The following COL27A1 variants were observed in gnomAD, a reference collection of about 807,000 sequenced individuals.
COL27A1 encodes the protein collagen type XXVII alpha 1 chain.
In COL27A1, 106 loss-of-function variants were observed where a neutral mutation model predicts 251.3. The observed-to-expected ratio is 0.42, with a 90% CI of 0.36 to 0.50. The LOEUF is 0.50. Among genes scored for constraint, COL27A1 ranks in the 20% least tolerant of loss-of-function variants. The pLI is 0.00. For synonymous variants in COL27A1, 1,000 were observed against 986.3 expected, an observed-to-expected ratio of 1.01 and a Z score of -0.26; for missense variants, 2,325 against 2,522.8, an observed-to-expected ratio of 0.92 and a Z score of 1.68.
At chr9:114,238,756 CG>C (rs574707618) in intron 19 of COL27A1, among the ~76,000 whole-genome samples, 2 of 152,096 alleles carry the variant, frequency 1.3e-5, no homozygotes, top group Non-Finnish European at 2.9e-5. Context: ...CATTCTGGCC[CG>C]TGAGGGTGGA....
chr9:114,280,883 C>T (rs777092659), intron 37 of COL27A1, among the ~76,000 whole-genome samples: 6 of 152,330 alleles, frequency 3.9e-5, no homozygotes, highest in Middle Eastern at 3.4e-3. Context: ...CCAGCCGCCC[C>T]ATAATTTTCA....
At chr9:114,287,231 G>A (rs941376128) in intron 41 of COL27A1, among the ~76,000 whole-genome samples, 1 of 152,158 alleles carries the variant, frequency 6.6e-6, no homozygotes, top group African/African-American at 2.4e-5. Flanking sequence ...ATGTGTCCCA[G>A]CCCCAGGGAC....
At chr9:114,269,102 C>T (rs561001921) in intron 34 of COL27A1, 139 bp from the exon 35 acceptor site, 3 of 572,576 alleles carry the variant, frequency 5.2e-6, no homozygotes, top group Admixed American at 3.3e-5. Context: ...TACGATTTCT[C>T]TGTGGTCCCT....
At chr9:114,159,151 C>T (rs1436142483) in intron 1 of COL27A1, among the ~76,000 whole-genome samples, 3 of 152,204 alleles carry the variant, frequency 2.0e-5, no homozygotes, top group Non-Finnish European at 4.4e-5. Flanking sequence ...TGTAATAGGC[C>T]TTCAGGGCTG....
At chr9:114,176,780 G>A (rs1489909937) in intron 3 of COL27A1, among the ~76,000 whole-genome samples, 1 of 152,180 alleles carries the variant, frequency 6.6e-6, no homozygotes, top group Non-Finnish European at 1.5e-5. Flanking sequence ...CTTCTGCTCA[G>A]GGCTCTTGCC....
chr9:114,294,565 A>G (rs1828142710), intron 49 of COL27A1, among the ~76,000 whole-genome samples: 2 of 152,250 alleles, frequency 1.3e-5, no homozygotes, highest in Non-Finnish European at 2.9e-5. Context: ...ATAATTCACT[A>G]TATTAACAGA....
At chr9:114,267,158 C>T (rs990368390) in intron 33 of COL27A1, among the ~76,000 whole-genome samples, 7 of 152,176 alleles carry the variant, frequency 4.6e-5, no homozygotes, top group South Asian at 2.1e-4. Context: ...ATCACTTGGC[C>T]CTAAACACAG....
Position 114,282,259 on chromosome 9 carries a change from T to C in COL27A1, c.3718-18T>C. ...CTTCTCTCATCTTTCTCTTGCTCTGTCCCTCCTCTCTCTTCAGGGTCCTGA... is the reference window on the plus strand; with the variant it reads ...CTTCTCTCATCTTTCTCTTGCTCTGCCCCTCCTCTCTCTTCAGGGTCCTGA... On this transcript the variant is annotated intron_variant, in intron 37 of 60. Transcript: ENST00000356083. 6.2e-7 allele frequency: 1 copy of C among 1,610,424 alleles called. No homozygotes were observed. The highest frequency in any genetic ancestry group is 8.5e-7 in the Non-Finnish European group (1 of 1,176,954).
chr9:114,231,173 C>T (rs746375024), intron 15 of COL27A1, 41 bp downstream of exon 15: 1 of 1,587,530 alleles, frequency 6.3e-7, no homozygotes, highest in South Asian at 1.1e-5. Context: ...CTTGTCCAAG[C>T]TGGGCACCCC....
intron 24 of COL27A1, among the ~76,000 whole-genome samples, chr9:114,248,664 G>A (rs1309983434): frequency 6.6e-6 from 1 of 152,200 alleles, no homozygotes; most frequent in Admixed American, 6.5e-5. Flanking sequence ...GATGTTCTGG[G>A]ACAGTACCCC....
intron 57 of COL27A1, among the ~76,000 whole-genome samples, chr9:114,305,697 T>C (rs1031881166): frequency 1.2e-4 from 18 of 152,088 alleles, no homozygotes; most frequent in African/African-American, 4.1e-4. Flanking sequence ...TGTAGAGAAT[T>C]GTGCAGGAGG....
In COL27A1 at chr9:114,242,181, T is replaced by C; in HGVS notation, c.2836-6T>C. The stretch of plus-strand genomic sequence containing the variant: ...TTTTTTCCTCTCTCGTGTCTCCCAA[T>C]TCTAGGGAGATGAGGGACCCATGGG... On this transcript the variant is annotated splice_polypyrimidine_tract_variant and splice_region_variant and intron_variant, in intron 21 of 60. Transcript: ENST00000356083. 6.2e-7 allele frequency: 1 copy of C among 1,602,772 alleles called. No homozygotes were observed. Among genetic ancestry groups the C allele is most frequent in the Non-Finnish European group, 8.5e-7 (1 of 1,175,696 alleles).
At chr9:114,216,613 A>G (rs1830730139) in intron 12 of COL27A1, among the ~76,000 whole-genome samples, 1 of 152,214 alleles carries the variant, frequency 6.6e-6, no homozygotes. Flanking sequence ...GTGAACATCA[A>G]GAACGTCTCG....
intron 24 of COL27A1, among the ~76,000 whole-genome samples, chr9:114,247,501 G>A (rs1363637304): frequency 1.3e-5 from 2 of 152,218 alleles, no homozygotes; most frequent in Non-Finnish European, 2.9e-5. Flanking sequence ...TCAGATTCTA[G>A]TCCATGTTGG....
chr9:114,249,405 C>G (rs1189586584), intron 24 of COL27A1, among the ~76,000 whole-genome samples: 1 of 152,158 alleles, frequency 6.6e-6, no homozygotes, highest in Admixed American at 6.5e-5. Context: ...ATCCACCATG[C>G]GTAGTGCCAG....
At chr9:114,158,066 T>C (rs1412545520) in intron 1 of COL27A1, among the ~76,000 whole-genome samples, 1 of 152,104 alleles carries the variant, frequency 6.6e-6, no homozygotes, top group Non-Finnish European at 1.5e-5. Context: ...GTGGAAGCTG[T>C]GAAGAAAGCC....
chr9:114,168,636 G>A lies in COL27A1; in HGVS notation c.1081G>A (p.Ala361Thr), dbSNP rs1308179269. 1.9e-6 allele frequency: 3 copies of A among 1,614,040 alleles called. No homozygotes were observed. The highest frequency in any genetic ancestry group is 3.3e-5 in the Admixed American group (2 of 59,994). ...CGCTCAACCATCACAGAAGATCACA[G>A]CCACCAAAATCCCCAAAAGCCTCCC... The part of the protein sequence containing the change: ...AAAQPSQKIT[A>T]TKIPKSLPTK... The change falls in exon 3 of 61, where the codon GCC (alanine) becomes ACC (threonine). Residue 361 changes from alanine (A) to threonine (T), a missense_variant. This residue lies in a region of COL27A1 where 1,183 missense variants were observed against 1,144.1 expected (regional missense o/e 1.03). Coordinates refer to ENST00000356083, the MANE Select transcript of COL27A1 (RefSeq NM_032888.4).
chr9:114,215,080 G>C (rs1564478037), intron 12 of COL27A1, among the ~76,000 whole-genome samples: 2 of 152,360 alleles, frequency 1.3e-5, no homozygotes, highest in South Asian at 4.1e-4. Context: ...GACTGCCAAG[G>C]CTGGCCTCAT....
intron 27 of COL27A1, among the ~76,000 whole-genome samples, chr9:114,257,058 T>G (rs1007990469): frequency 6.6e-6 from 1 of 152,110 alleles, no homozygotes; most frequent in Non-Finnish European, 1.5e-5. Context: ...ACCCAGCCCC[T>G]CACATCAGCC....
Sources: gnomAD v4.1 joint callset for allele counts (sites outside exome capture counted in the v4.1 genomes callset) on GRCh38, gnomAD v4.1.1 for gene constraint, gnomAD v4.1.1 regional missense constraint, MANE v1.5 for transcripts, NCBI Gene and HGNC (gene_info 2026-07-23, HGNC 2026-07-21) for gene names.